Variants in EGFLAM observed in about 807,000 individuals in gnomAD.
The protein encoded by EGFLAM is pikachurin.
In EGFLAM, 79 loss-of-function variants were observed where a neutral mutation model predicts 113.1. The observed-to-expected ratio is 0.70, with a 90% CI of 0.58 to 0.84. EGFLAM has a LOEUF of 0.84. Among genes scored for constraint, EGFLAM ranks in the 40% least tolerant of loss-of-function variants. The pLI is 0.00. For synonymous variants in EGFLAM, 504 were observed against 487.6 expected, an observed-to-expected ratio of 1.03 and a Z score of -0.44; for missense variants, 1,265 against 1,291.6, an observed-to-expected ratio of 0.98 and a Z score of 0.32.
At chr5:38,397,024 T>A (rs1010707143) in intron 6 of EGFLAM, among the ~76,000 whole-genome samples, 1 of 152,230 alleles carries the variant, frequency 6.6e-6, no homozygotes, top group Non-Finnish European at 1.5e-5. Context: ...ATGCACCATT[T>A]GCGCTTCTGC....
intron 3 of EGFLAM, among the ~76,000 whole-genome samples, chr5:38,339,244 T>G (rs544011395): frequency 1.3e-5 from 2 of 152,230 alleles, no homozygotes; most frequent in South Asian, 4.1e-4. Flanking sequence ...TCAAGCCCAG[T>G]GCCCCATCCT....
At chr5:38,263,102 A>C (rs1227981842) in intron 1 of EGFLAM, among the ~76,000 whole-genome samples, 1 of 151,926 alleles carries the variant, frequency 6.6e-6, no homozygotes, top group African/African-American at 2.4e-5. Context: ...AACATTTAAA[A>C]AATTTATTTA....
intron 11 of EGFLAM, among the ~76,000 whole-genome samples, chr5:38,415,640 T>C (rs929766904): frequency 1.3e-5 from 2 of 152,214 alleles, no homozygotes; most frequent in Non-Finnish European, 2.9e-5. Flanking sequence ...AGCCTATGAA[T>C]AGCCCTGCAC....
intron 6 of EGFLAM, among the ~76,000 whole-genome samples, chr5:38,394,744 T>G (rs1189133920): frequency 6.8e-6 from 1 of 146,774 alleles, no homozygotes; most frequent in African/African-American, 2.6e-5. Flanking sequence ...CTCTAATGCT[T>G]GTTTAGATTT....
chr5:38,370,017 T>C (rs1443502370), intron 5 of EGFLAM, among the ~76,000 whole-genome samples: 1 of 152,236 alleles, frequency 6.6e-6, no homozygotes, highest in Non-Finnish European at 1.5e-5. Context: ...TATGTGAAGA[T>C]CTTTTCATCA....
chr5:38,434,491 T>C (rs1270645849), intron 15 of EGFLAM, among the ~76,000 whole-genome samples: 1 of 152,238 alleles, frequency 6.6e-6, no homozygotes, highest in African/African-American at 2.4e-5. Flanking sequence ...GTTAAATCAA[T>C]GATCAAAGCT....
chr5:38,381,424 C>T (rs1261780188), intron 6 of EGFLAM, among the ~76,000 whole-genome samples: 1 of 152,244 alleles, frequency 6.6e-6, no homozygotes, highest in Middle Eastern at 3.4e-3. Flanking sequence ...GATAATGCAA[C>T]CGAATACGAA....
chr5:38,379,876 C>T (rs1263001521), intron 6 of EGFLAM, among the ~76,000 whole-genome samples: 1 of 151,412 alleles, frequency 6.6e-6, no homozygotes, highest in African/African-American at 2.4e-5. Context: ...TATCATGCTG[C>T]TAGCTTTGTT....
chr5:38,434,374 C>T (rs891013), intron 15 of EGFLAM, among the ~76,000 whole-genome samples: 39,944 of 152,076 alleles, frequency 0.26, 9,270 homozygotes, highest in African/African-American at 0.63. Flanking sequence ...ATTCCCTGCT[C>T]GCATAAACCC....
At chr5:38,384,211 A>G (rs1740596432) in intron 6 of EGFLAM, among the ~76,000 whole-genome samples, 1 of 152,306 alleles carries the variant, frequency 6.6e-6, no homozygotes, top group Middle Eastern at 3.4e-3. Flanking sequence ...AATGGAAATC[A>G]TAGAATTTTG....
At chr5:38,284,259 A>G (rs1216898842) in intron 1 of EGFLAM, among the ~76,000 whole-genome samples, 1 of 152,150 alleles carries the variant, frequency 6.6e-6, no homozygotes, top group Non-Finnish European at 1.5e-5. Context: ...TTACAGTCAT[A>G]CCTCATAATA....
chr5:38,338,394 A>G (rs1326920354), intron 2 of EGFLAM, among the ~76,000 whole-genome samples: 1 of 152,200 alleles, frequency 6.6e-6, no homozygotes, highest in Non-Finnish European at 1.5e-5. Flanking sequence ...TGTCTTATCA[A>G]AAGTGAGAAA....
chr5:38,381,802 G>A (rs939316310), intron 6 of EGFLAM, among the ~76,000 whole-genome samples: 2 of 152,174 alleles, frequency 1.3e-5, no homozygotes, highest in Admixed American at 6.5e-5. Context: ...AGGGCACAGG[G>A]CAGGGTGGAG....
intron 12 of EGFLAM, among the ~76,000 whole-genome samples, chr5:38,424,405 A>G (rs1380949583): frequency 6.6e-6 from 1 of 152,168 alleles, no homozygotes; most frequent in Non-Finnish European, 1.5e-5. Context: ...CCAATGTATT[A>G]TGGGGCCCTC....
Position 38,284,847 on chromosome 5 carries a change from T to C in EGFLAM, c.97+25996T>C, listed in dbSNP as rs1758115676. 2.0e-5 allele frequency among the ~76,000 whole-genome samples: 3 copies of C among 152,166 alleles called. No individual in the cohort carries two copies. The South Asian group carries it at 6.2e-4, about 32-fold the overall frequency. On this transcript the variant is annotated intron_variant, in intron 1 of 21. Coordinates refer to ENST00000322350, the MANE Select transcript of EGFLAM (RefSeq NM_152403.4). ...GATAAAGACATCACCAAATAAACTC[T>C]CCATTTTGATGTAGATAATAGGCAA...
At chr5:38,313,096 A>G (rs1174432920) in intron 1 of EGFLAM, among the ~76,000 whole-genome samples, 2 of 152,180 alleles carry the variant, frequency 1.3e-5, no homozygotes, top group African/African-American at 4.8e-5. Flanking sequence ...TGTCTCAAAA[A>G]AAATAAAATA....
chr5:38,327,569 C>G (rs1388729813), intron 1 of EGFLAM, among the ~76,000 whole-genome samples: 1 of 152,068 alleles, frequency 6.6e-6, no homozygotes, highest in Non-Finnish European at 1.5e-5. Context: ...CTGTTTAATA[C>G]TACATCATAA....
At chr5:38,462,061 G>C (rs1004473535) in intron 20 of EGFLAM, among the ~76,000 whole-genome samples, 1 of 152,134 alleles carries the variant, frequency 6.6e-6, no homozygotes, top group Non-Finnish European at 1.5e-5. Flanking sequence ...CCAGCTACTC[G>C]GGAGGCTGAG....
chr5:38,320,009 C>A (rs965810281), intron 1 of EGFLAM, among the ~76,000 whole-genome samples: 3 of 152,230 alleles, frequency 2.0e-5, no homozygotes, highest in African/African-American at 4.8e-5. Context: ...GTTGAAGCAA[C>A]AAGACTTGGG....
Sources: gnomAD v4.1 joint callset for allele counts (sites outside exome capture counted in the v4.1 genomes callset) on GRCh38, gnomAD v4.1.1 for gene constraint, MANE v1.5 for transcripts, NCBI Gene and HGNC (gene_info 2026-07-23, HGNC 2026-07-21) for gene names.